WIPI2: variants seen among roughly 807,000 people sequenced by gnomAD.
The protein encoded by WIPI2 is WD repeat domain, phosphoinositide interacting 2.
A neutral mutation model predicts 52.3 loss-of-function variants in WIPI2; 28 were observed. The ratio of observed to expected loss-of-function variants is 0.54; its 90% CI spans 0.40 to 0.73. WIPI2 has a LOEUF of 0.73. Ranked by LOEUF, WIPI2 falls within the 30% of genes least tolerant of loss-of-function variation. WIPI2 has a pLI of 0.00. For synonymous variants in WIPI2, 268 were observed against 245.0 expected (o/e 1.09, Z -0.88); for missense variants, 506 against 602.9 (o/e 0.84, Z 1.68).
intron 8 of WIPI2, 37 bp downstream of exon 8, chr7:5,222,709 T>C (rs1325891336): frequency 6.3e-7 from 1 of 1,580,438 alleles, no homozygotes; most frequent in Non-Finnish European, 8.7e-7. Context: ...ATTCTGGAGG[T>C]TGTATTTGGA....
At chr7:5,216,440 T>A in intron 4 of WIPI2, 123 bp from the exon 5 acceptor site, 1 of 779,730 alleles carries the variant, frequency 1.3e-6, no homozygotes, top group Admixed American at 2.4e-5. Flanking sequence ...TCCAAAAAAA[T>A]AAAATACAAT....
intron 3 of WIPI2, among the ~76,000 whole-genome samples, chr7:5,205,861 A>G (rs1469522381): frequency 1.5e-5 from 2 of 137,888 alleles, no homozygotes; most frequent in African/African-American, 5.4e-5. Context: ...TTTTTCCCCC[A>G]TGCAGTCATG....
chr7:5,202,546 G>A (rs1209890362), intron 3 of WIPI2, among the ~76,000 whole-genome samples: 1 of 151,918 alleles, frequency 6.6e-6, no homozygotes, highest in Non-Finnish European at 1.5e-5. Flanking sequence ...ACTACACCTG[G>A]CTGATTTTTT....
intron 4 of WIPI2, chr7:5,216,261 A>C (rs1782805889): frequency 8.2e-6 from 2 of 243,892 alleles, no homozygotes; most frequent in South Asian, 1.2e-4. Flanking sequence ...GTGAAACCCC[A>C]TCTCTACTAA....
Position 5,232,585 on chromosome 7 carries a change from G to A in WIPI2, c.*1638G>A, listed in dbSNP as rs1783776669. On this transcript the variant is annotated 3_prime_UTR_variant, in exon 13 of 13. Coordinates refer to ENST00000288828, the MANE Select transcript of WIPI2 (RefSeq NM_015610.4). ...GAGACAGTGGGGACCGCCGAGGCCAGAGTGGGCTATGCTTGAGCAGGGATG... is the reference window on the plus strand; with the variant it reads ...GAGACAGTGGGGACCGCCGAGGCCAAAGTGGGCTATGCTTGAGCAGGGATG... The A allele has an allele frequency of 5.7e-6, 2 of 348,306 alleles. No homozygotes were observed. The highest frequency in any genetic ancestry group is 1.0e-5 in the Non-Finnish European group (2 of 194,742). 21.6% of individuals were successfully genotyped at this position (348,306 alleles called of 1,614,324 possible).
At chr7:5,220,153 T>A (rs1783037581) in intron 7 of WIPI2, among the ~76,000 whole-genome samples, 1 of 151,776 alleles carries the variant, frequency 6.6e-6, no homozygotes, top group South Asian at 2.1e-4. Context: ...TGATTTCTAA[T>A]AGCTGTATAC....
chr7:5,202,716 G>A (rs924099841), intron 3 of WIPI2, among the ~76,000 whole-genome samples: 1 of 152,140 alleles, frequency 6.6e-6, no homozygotes, highest in Non-Finnish European at 1.5e-5. Context: ...GATTACAGGC[G>A]TGAGCCACCG....
At chr7:5,224,498 C>G (rs769113574) in intron 8 of WIPI2, among the ~76,000 whole-genome samples, 9 of 152,218 alleles carry the variant, frequency 5.9e-5, no homozygotes, top group Non-Finnish European at 1.0e-4. Context: ...GCAGAGCTGG[C>G]CATGCGGGAG....
chr7:5,226,000 G>C (rs1783410471), intron 9 of WIPI2, 70 bp downstream of exon 9: 3 of 1,476,386 alleles, frequency 2.0e-6, no homozygotes, highest in Non-Finnish European at 2.8e-6. Flanking sequence ...GCCGGGATGA[G>C]AGGTAAGCAC....
chr7:5,207,882 C>T (rs1782369915), intron 3 of WIPI2, among the ~76,000 whole-genome samples: 1 of 151,300 alleles, frequency 6.6e-6, no homozygotes, highest in African/African-American at 2.4e-5. Flanking sequence ...TCTCCTCCCT[C>T]AGCCTCCCAA....
At chr7:5,198,204 C>CA (rs1283621789) in intron 2 of WIPI2, among the ~76,000 whole-genome samples, 1 of 152,184 alleles carries the variant, frequency 6.6e-6, no homozygotes, top group Non-Finnish European at 1.5e-5. Flanking sequence ...AGCCATGGCA[C>CA]AGCACAGGGG....
At chr7:5,214,259 A>T (rs1782701300) in intron 3 of WIPI2, 1 of 1,395,112 alleles carries the variant, frequency 7.2e-7, no homozygotes, top group Non-Finnish European at 9.4e-7. Context: ...CTCACCATTC[A>T]AATCCAGCAA....
intron 3 of WIPI2, among the ~76,000 whole-genome samples, chr7:5,201,972 A>G (rs752277806): frequency 6.6e-6 from 1 of 152,044 alleles, no homozygotes; most frequent in Non-Finnish European, 1.5e-5. Flanking sequence ...AGATAAGAGA[A>G]TGTCTCTAGA....
chr7:5,190,404 C>G lies in WIPI2; in HGVS notation c.-16C>G. On this transcript the variant is annotated 5_prime_UTR_variant, in exon 1 of 13. Transcript: ENST00000288828. The stretch of plus-strand genomic sequence containing the variant: ...CGCGCCCTCCCCGGCCGGGCCCACT[C>G]GCCGCGCGCCCAGCCATGAACCTGG... 2 of 1,388,884 alleles carry G rather than the reference C, an allele frequency of 1.4e-6. No individual in the cohort carries two copies. The highest frequency in any genetic ancestry group is 1.9e-6 in the Non-Finnish European group (2 of 1,065,150). 86.0% of individuals were successfully genotyped at this position (1,388,884 alleles called of 1,614,324 possible).
At chr7:5,194,381 G>A (rs563877046) in intron 2 of WIPI2, among the ~76,000 whole-genome samples, 1 of 152,248 alleles carries the variant, frequency 6.6e-6, no homozygotes, top group African/African-American at 2.4e-5. Flanking sequence ...TGATGAAGAA[G>A]GAGAGTCTTT....
At chr7:5,207,669 T>C (rs528105739) in intron 3 of WIPI2, among the ~76,000 whole-genome samples, 1 of 152,302 alleles carries the variant, frequency 6.6e-6, no homozygotes, top group East Asian at 1.9e-4. Context: ...ATGTGTTTAG[T>C]TTTGTAAGAA....
chr7:5,228,221 C>T lies in WIPI2; in HGVS notation c.1121+10C>T. The T allele has an allele frequency of 1.9e-6, 3 of 1,607,376 alleles. No individual in the cohort carries two copies. The highest frequency in any genetic ancestry group is 1.7e-4 in the Middle Eastern group (1 of 5,894). ...TGATGAAGCAGCACCGGTGAGTCTG[C>T]TCCGGCCGCTTCACGGAGCTGCTCC... On this transcript the variant is annotated intron_variant, in intron 11 of 12. Coordinates refer to ENST00000288828, the MANE Select transcript of WIPI2 (RefSeq NM_015610.4).
chr7:5,227,196 A>G lies in WIPI2; in HGVS notation c.865A>G (p.Thr289Ala). 1 of 1,613,958 alleles carries G rather than the reference A, an allele frequency of 6.2e-7. No homozygotes were observed. The highest frequency in any genetic ancestry group is 8.5e-7 in the Non-Finnish European group (1 of 1,180,012). The change falls in exon 10 of 13, where the codon ACC becomes GCC. Residue 289 changes from threonine (T) to alanine (A), a missense_variant. Coordinates refer to ENST00000288828, the MANE Select transcript of WIPI2 (RefSeq NM_015610.4). This position sits in a 1 kb window ranked among gnomAD's most constrained non-coding sequence, Gnocchi z 8.1. ...TCCTTCCAGACCCCCAGAGGAGCCCACCACCTGGACCGGGTACTTCGGGAA... is the reference window on the plus strand; with the variant it reads ...TCCTTCCAGACCCCCAGAGGAGCCCGCCACCTGGACCGGGTACTTCGGGAA... The part of the protein sequence containing the change: ...TVKEKPPEEP[T>A]TWTGYFGKVL...
Position 5,233,444 on chromosome 7 carries a change from A to C in WIPI2, c.*2497A>C, listed in dbSNP as rs1292433478. 1 of 152,270 alleles carries C rather than the reference A, an allele frequency of 6.6e-6. No individual in the cohort carries two copies. The highest frequency in any genetic ancestry group is 1.5e-5 in the Non-Finnish European group (1 of 68,032). The allele number at this position is 152,270 out of a possible 1,614,324, so 9.4% of individuals were successfully genotyped here. A position where few individuals can be genotyped will look rare whatever the true frequency, so the allele number is the denominator to read the frequency against. ...TAATTTTCCGAACTCCAAACTGTAC[A>C]CTCATATTCATTTTTAAATTGTATT... On this transcript the variant is annotated 3_prime_UTR_variant, in exon 13 of 13. Coordinates refer to ENST00000288828, the MANE Select transcript of WIPI2 (RefSeq NM_015610.4).
Sources: gnomAD v4.1 joint callset for allele counts (sites outside exome capture counted in the v4.1 genomes callset) on GRCh38, gnomAD v4.1.1 for gene constraint, Gnocchi (gnomAD v3.1) non-coding constraint, MANE v1.5 for transcripts, NCBI Gene and HGNC (gene_info 2026-07-23, HGNC 2026-07-21) for gene names.